VNN1: variants seen among roughly 807,000 people sequenced by gnomAD.
The protein encoded by VNN1 is vanin 1, also known as pantetheinase.
Under a neutral mutation model 41.9 loss-of-function variants are expected in VNN1, and 29 were observed. The ratio of observed to expected loss-of-function variants is 0.69; its 90% CI spans 0.52 to 0.94. The LOEUF is 0.94. Ranked by LOEUF, VNN1 falls within the 40% of genes least tolerant of loss-of-function variation. The probability of loss-of-function intolerance (pLI) is 0.00; values close to 1 mark genes in which losing one functional copy is unlikely to be tolerated. For synonymous variants in VNN1, 233 were observed against 224.4 expected (o/e 1.04, Z -0.34); for missense variants, 637 against 621.1 (o/e 1.03, Z -0.27).
intron 5 of VNN1, 74 bp downstream of exon 5, chr6:132,692,149 T>C (rs868468891): frequency 1.4e-6 from 2 of 1,415,534 alleles, no homozygotes; most frequent in Middle Eastern, 4.1e-4. Context: ...AAATCATTCA[T>C]TATTTATCTA....
Position 132,693,242 on chromosome 6 carries a change from A to G in VNN1, c.608T>C (p.Phe203Ser). 1.2e-6 allele frequency: 2 copies of G among 1,614,118 alleles called. No individual in the cohort carries two copies. The highest frequency in any genetic ancestry group is 1.7e-6 in the Non-Finnish European group (2 of 1,179,980). Residue 203 changes from phenylalanine to serine, a missense_variant, in exon 4 of 7, where the codon TTT becomes TCT. Transcript: ENST00000367928. ...GCATGTGAAAATGCCAAAACTTCCAAAGGTGGTATTGAAAGTCACAATCTC... is the reference window on the plus strand; with the variant it reads ...GCATGTGAAAATGCCAAAACTTCCAGAGGTGGTATTGAAAGTCACAATCTC... ...EPEIVTFNTT[F>S]GSFGIFTCFD...
At chr6:132,707,760 T>A (rs1472942929) in intron 2 of VNN1, among the ~76,000 whole-genome samples, 1 of 152,140 alleles carries the variant, frequency 6.6e-6, no homozygotes, top group Non-Finnish European at 1.5e-5. Context: ...GAAAGATGGT[T>A]ACCAGAGGCT....
chr6:132,694,760 A>T (rs955787541), intron 2 of VNN1, among the ~76,000 whole-genome samples: 5 of 151,372 alleles, frequency 3.3e-5, no homozygotes, highest in African/African-American at 1.2e-4. Context: ...TATTTGGGAG[A>T]CTGAGGTGGG....
At chr6:132,696,989 C>T (rs1262015526) in intron 2 of VNN1, among the ~76,000 whole-genome samples, 1 of 152,094 alleles carries the variant, frequency 6.6e-6, no homozygotes, top group Admixed American at 6.5e-5. Context: ...CCTGTAGTTC[C>T]AGCTACTCAG....
At position 132,694,028 on chromosome 6, in the gene VNN1, A is replaced by G. The variant is rs141948457; in HGVS notation, c.496T>C (p.Phe166Leu). ...GRYQYNTDVVFDSQGKLVARY... is the reference protein window; with the variant it reads ...GRYQYNTDVVLDSQGKLVARY... ...GCCACCAGTTTTCCTTGAGAATCAAATACCACATCAGTGTTGTATTGGTAA... is the reference window on the plus strand; with the variant it reads ...GCCACCAGTTTTCCTTGAGAATCAAGTACCACATCAGTGTTGTATTGGTAA... The change falls in exon 3 of 7, where the codon TTT becomes CTT. Residue 166 changes from phenylalanine to leucine, a missense_variant. By Grantham distance (22) the Phe-to-Leu change is conservative. Transcript: ENST00000367928. The G allele has an allele frequency of 3.3e-5, 54 of 1,614,052 alleles. 1 individual carries two copies. In the South Asian group the frequency reaches 5.5e-4, roughly 16 times the overall value.
intron 5 of VNN1, among the ~76,000 whole-genome samples, chr6:132,689,923 C>T (rs989927126): frequency 3.9e-5 from 6 of 152,156 alleles, no homozygotes; most frequent in African/African-American, 1.4e-4. Context: ...TCCTCTCTTG[C>T]CTCCTGATCT....
chr6:132,699,927 A>G (rs897728796), intron 2 of VNN1, among the ~76,000 whole-genome samples: 1 of 152,212 alleles, frequency 6.6e-6, no homozygotes. Flanking sequence ...TCAGCTTTGA[A>G]AACAGCATCT....
At chr6:132,685,191 G>A (rs1778188914) in intron 5 of VNN1, among the ~76,000 whole-genome samples, 1 of 152,152 alleles carries the variant, frequency 6.6e-6, no homozygotes. Flanking sequence ...TCTCCATTAA[G>A]TTTTTCTTCC....
At chr6:132,691,362 G>A (rs1778281585) in intron 5 of VNN1, among the ~76,000 whole-genome samples, 1 of 152,062 alleles carries the variant, frequency 6.6e-6, no homozygotes, top group Admixed American at 6.6e-5. Context: ...CCAGACCAAG[G>A]AAGAGAAGAG....
At position 132,692,235 on chromosome 6, in the gene VNN1, G is replaced by A. The variant is rs1230673703; in HGVS notation, c.1176C>T (p.Arg392=). Reference sequence around the variant, plus strand: ...ATCAAAATATTACCTGTAGATAATAGCGCCCTTCCACAGTGTGCAGTCCGT... The same window carrying A: ...ATCAAAATATTACCTGTAGATAATAACGCCCTTCCACAGTGTGCAGTCCGT... ...AFDGLHTVEG[R]YYLQICTLLK... is the part of the protein sequence containing the mutation. The change falls in exon 5 of 7, where the codon CGC becomes CGT. Residue 392 remains arginine (R), a synonymous_variant. Transcript: ENST00000367928. 2 of 1,571,964 alleles carry A rather than the reference G, an allele frequency of 1.3e-6. No individual in the cohort carries two copies. The highest frequency in any genetic ancestry group is 1.7e-6 in the Non-Finnish European group (2 of 1,160,442).
intron 2 of VNN1, among the ~76,000 whole-genome samples, chr6:132,709,831 C>T (rs1220530318): frequency 6.6e-6 from 1 of 151,940 alleles, no homozygotes; most frequent in African/African-American, 2.4e-5. Context: ...TAGGGAAAGG[C>T]CATTCAGAAA....
At chr6:132,703,726 G>C (rs1273425888) in intron 2 of VNN1, among the ~76,000 whole-genome samples, 1 of 151,916 alleles carries the variant, frequency 6.6e-6, no homozygotes, top group East Asian at 1.9e-4. Flanking sequence ...GAATGTAAAT[G>C]GTCTAAACTC....
At chr6:132,693,406 A>T (rs1778321225) in intron 3 of VNN1, 91 bp from the exon 4 acceptor site, 1 of 1,270,292 alleles carries the variant, frequency 7.9e-7, no homozygotes, top group Non-Finnish European at 1.1e-6. Flanking sequence ...CTCACATCTT[A>T]GTGCCAATTT....
At chr6:132,711,917 T>A in intron 1 of VNN1, 78 bp from the exon 2 acceptor site, 5 of 1,518,188 alleles carry the variant, frequency 3.3e-6, no homozygotes, top group Non-Finnish European at 4.5e-6. Context: ...AACAACTATT[T>A]GGGCTTCCCC....
At chr6:132,702,868 T>C (rs898214577) in intron 2 of VNN1, among the ~76,000 whole-genome samples, 5 of 152,216 alleles carry the variant, frequency 3.3e-5, no homozygotes, top group East Asian at 3.8e-4. Flanking sequence ...ACATCAGTGA[T>C]AGCCAGGCAG....
At chr6:132,695,814 T>C (rs1041219601) in intron 2 of VNN1, among the ~76,000 whole-genome samples, 1 of 152,086 alleles carries the variant, frequency 6.6e-6, no homozygotes, top group Non-Finnish European at 1.5e-5. Context: ...CTCAAGCTGA[T>C]CCTCAACACA....
chr6:132,692,448 G>A lies in VNN1; in HGVS notation c.963C>T (p.Ser321=). Residue 321 remains serine (S), a synonymous_variant, in exon 5 of 7, where the codon AGC becomes AGT. Coordinates refer to ENST00000367928, the MANE Select transcript of VNN1 (RefSeq NM_004666.3). ...TTCCTGATGAGAGCGCTTCTATACTGCTGGCATAGGAAGTCCAGTTCACCA... is the reference window on the plus strand; with the variant it reads ...TTCCTGATGAGAGCGCTTCTATACTACTGGCATAGGAAGTCCAGTTCACCA... ...SAVVNWTSYA[S]SIEALSSGNK... is the part of the protein sequence containing the mutation. The A allele has an allele frequency of 6.2e-7, 1 of 1,614,088 alleles. No individual in the cohort carries two copies. The highest frequency in any genetic ancestry group is 8.5e-7 in the Non-Finnish European group (1 of 1,180,028).
At chr6:132,709,647 CAG>C (rs1778569411) in intron 2 of VNN1, among the ~76,000 whole-genome samples, 2 of 137,118 alleles carry the variant, frequency 1.5e-5, no homozygotes, top group South Asian at 4.7e-4. Context: ...TTGGGCGACA[CAG>C]AGTCTCTCTC....
intron 3 of VNN1, 126 bp downstream of exon 3, chr6:132,693,864 C>A (rs374970459): frequency 2.6e-5 from 29 of 1,116,686 alleles, no homozygotes; most frequent in East Asian, 1.5e-4. Flanking sequence ...TTTATCATTA[C>A]TTTCTATGCT....
Sources: gnomAD v4.1 joint callset for allele counts (sites outside exome capture counted in the v4.1 genomes callset) on GRCh38, gnomAD v4.1.1 for gene constraint, MANE v1.5 for transcripts, NCBI Gene and HGNC (gene_info 2026-07-23, HGNC 2026-07-21) for gene names.